DGLUCY: variants seen among roughly 807,000 people sequenced by gnomAD.
The protein encoded by DGLUCY is D-glutamate cyclase, mitochondrial.
DGLUCY carries 58 observed loss-of-function variants against 58.5 expected under a neutral mutation model. That is an observed-to-expected ratio of 0.99 (90% CI 0.80 to 1.23). DGLUCY has a LOEUF of 1.23. Ranked by LOEUF, DGLUCY falls within the 50% of genes most tolerant of loss-of-function variation. The probability of loss-of-function intolerance (pLI) is 0.00; values close to 1 mark genes in which losing one functional copy is unlikely to be tolerated. For missense variants in DGLUCY, 779 were observed against 784.7 expected (o/e 0.99, Z 0.09); for synonymous variants, 325 against 314.1 (o/e 1.03, Z -0.37).
At chr14:91,065,945 TGA>T (rs2043811987) in intron 1 of DGLUCY, among the ~76,000 whole-genome samples, 1 of 152,086 alleles carries the variant, frequency 6.6e-6, no homozygotes, top group African/African-American at 2.4e-5. Flanking sequence ...CCTCCTGCCC[TGA>T]GAGATGGAGA....
chr14:91,157,925 A>G (rs2047758321), intron 2 of DGLUCY, among the ~76,000 whole-genome samples: 1 of 152,228 alleles, frequency 6.6e-6, no homozygotes, highest in African/African-American at 2.4e-5. Flanking sequence ...ATGTATTTGC[A>G]AAACAGCACA....
chr14:91,111,288 A>AT (rs1237896603), upstream of DGLUCY, among the ~76,000 whole-genome samples: 1,462 of 60,498 alleles, frequency 0.024, 59 homozygotes, highest in African/African-American at 0.048. Context: ...ATATATATAT[A>AT]TATTTTTTTT....
chr14:91,221,542 T>G (rs905670561), intron 13 of DGLUCY, among the ~76,000 whole-genome samples: 1 of 150,952 alleles, frequency 6.6e-6, no homozygotes, highest in Admixed American at 6.6e-5. Context: ...GGTAGGTGGG[T>G]GGATGGAGGG....
intron 9 of DGLUCY, among the ~76,000 whole-genome samples, chr14:91,195,278 C>G (rs2050133381): frequency 6.6e-6 from 1 of 152,164 alleles, no homozygotes; most frequent in Non-Finnish European, 1.5e-5. Flanking sequence ...TCTATCCCAA[C>G]CTGCTGTGAG....
chr14:91,220,200 C>G (rs1289798435), intron 13 of DGLUCY, among the ~76,000 whole-genome samples: 1 of 152,218 alleles, frequency 6.6e-6, no homozygotes, highest in Non-Finnish European at 1.5e-5. Flanking sequence ...CTGGTTCAAG[C>G]CCTGGCTCCG....
chr14:91,088,432 CA>C (rs1473326281), intron 1 of DGLUCY, among the ~76,000 whole-genome samples: 1 of 152,180 alleles, frequency 6.6e-6, no homozygotes, highest in Non-Finnish European at 1.5e-5. Flanking sequence ...GGGTTCTACT[CA>C]GTCACTAGGA....
chr14:91,112,297 T>C (rs1163870321), upstream of DGLUCY, among the ~76,000 whole-genome samples: 1 of 151,838 alleles, frequency 6.6e-6, no homozygotes, highest in Non-Finnish European at 1.5e-5. Flanking sequence ...AGATGGGATC[T>C]CTCTCCTTTG....
chr14:91,183,165 G>A (rs933621249), intron 8 of DGLUCY, among the ~76,000 whole-genome samples: 11 of 151,376 alleles, frequency 7.3e-5, no homozygotes, highest in African/African-American at 2.4e-4. Context: ...CTAATTTGTT[G>A]TTGTATTTTT....
intron 1 of DGLUCY, among the ~76,000 whole-genome samples, chr14:91,068,079 G>GCACGCACACA (rs1555387694): frequency 1.3e-4 from 19 of 146,344 alleles, no homozygotes; most frequent in African/African-American, 4.6e-4. Flanking sequence ...ACACGCGCAC[G>GCACGCACACA]CACACACACA....
intron 12 of DGLUCY, among the ~76,000 whole-genome samples, chr14:91,206,735 A>C (rs1884769752): frequency 6.6e-6 from 1 of 152,190 alleles, no homozygotes; most frequent in Non-Finnish European, 1.5e-5. Context: ...AACAACAAAA[A>C]AAATTTACAA....
At chr14:91,124,211 C>T (rs1473281189) in intron 1 of DGLUCY, among the ~76,000 whole-genome samples, 1 of 152,142 alleles carries the variant, frequency 6.6e-6, no homozygotes, top group Non-Finnish European at 1.5e-5. Context: ...CAGGCGTGAG[C>T]CACCACACCC....
intron 10 of DGLUCY, among the ~76,000 whole-genome samples, chr14:91,198,800 T>C (rs1291890557): frequency 6.6e-6 from 1 of 152,122 alleles, no homozygotes; most frequent in East Asian, 1.9e-4. Flanking sequence ...CTTTGAACAC[T>C]GTGTGAGGTA....
chr14:91,164,586 G>C (rs2048173078), intron 3 of DGLUCY, among the ~76,000 whole-genome samples: 1 of 152,180 alleles, frequency 6.6e-6, no homozygotes, highest in Admixed American at 6.5e-5. Context: ...TGCAGACTTA[G>C]TACAGGTATG....
chr14:91,211,714 AAC>A (rs1885703079), intron 12 of DGLUCY, among the ~76,000 whole-genome samples: 1 of 152,252 alleles, frequency 6.6e-6, no homozygotes, highest in Admixed American at 6.5e-5. Flanking sequence ...TTAAACATAA[AAC>A]ACAAAACTAT....
At chr14:91,135,690 CTT>C (rs925187134) in intron 1 of DGLUCY, among the ~76,000 whole-genome samples, 2 of 138,668 alleles carry the variant, frequency 1.4e-5, no homozygotes, top group African/African-American at 2.7e-5. Context: ...ATGGTATAGG[CTT>C]TTGCTGTTTT....
intron 1 of DGLUCY, chr14:91,147,872 CAATT>C (rs1323681771): frequency 1.3e-5 from 2 of 152,328 alleles, no homozygotes; most frequent in African/African-American, 2.4e-5. Context: ...ATTTTATTCT[CAATT>C]AAAGAAACAC....
At chr14:91,216,085 G>T in intron 13 of DGLUCY, 1 of 227,442 alleles carries the variant, frequency 4.4e-6, no homozygotes, top group Non-Finnish European at 8.8e-6. Flanking sequence ...AGAAGGAGAG[G>T]AATCCCAGCG....
At chr14:91,074,216 A>G (rs574766984) in intron 1 of DGLUCY, among the ~76,000 whole-genome samples, 123 of 145,514 alleles carry the variant, frequency 8.5e-4, no homozygotes, top group African/African-American at 3.0e-3. Flanking sequence ...AGATCACATG[A>G]GCCTAGGAGG....
intron 1 of DGLUCY, among the ~76,000 whole-genome samples, chr14:91,099,784 C>G (rs1188986021): frequency 6.6e-6 from 1 of 152,186 alleles, no homozygotes; most frequent in Non-Finnish European, 1.5e-5. Flanking sequence ...GTTTCCAGTT[C>G]TGCCCTTGCC....
Sources: gnomAD v4.1 joint callset for allele counts (sites outside exome capture counted in the v4.1 genomes callset) on GRCh38, gnomAD v4.1.1 for gene constraint, MANE v1.5 for transcripts, NCBI Gene and HGNC (gene_info 2026-07-23, HGNC 2026-07-21) for gene names.